Variants in ALK observed in about 807,000 individuals in gnomAD.
ALK encodes ALK tyrosine kinase receptor.
Under a neutral mutation model 163.1 loss-of-function variants are expected in ALK, and 74 were observed. The ratio of observed to expected loss-of-function variants is 0.45; its 90% confidence interval spans 0.38 to 0.55. The LOEUF is 0.55. Among genes scored for constraint, ALK ranks in the 20% least tolerant of loss-of-function variants. The pLI is 0.00. For synonymous variants in ALK, 960 were observed against 843.2 expected, an observed-to-expected ratio of 1.14 and a Z score of -2.40; for missense variants, 2,063 against 2,105.3, an observed-to-expected ratio of 0.98 and a Z score of 0.39.
rs762571775 is a variant in ALK, at chr2:29,222,558, C to G, written c.3409G>C (p.Gly1137Arg). 1 of 1,614,070 alleles carries G rather than the reference C, an allele frequency of 6.2e-7. No individual in the cohort carries two copies. The highest frequency in any genetic ancestry group is 8.5e-7 in the Non-Finnish European group (1 of 1,180,028). Residue 1137 changes from glycine to arginine, a missense_variant, in exon 21 of 29, where the codon GGA becomes CGA. Physicochemically the swap from Gly to Arg is moderately radical, Grantham distance 125. Coordinates refer to ENST00000389048, the MANE Select transcript of ALK (RefSeq NM_004304.5). ...AGGGGGCTTGGGTCGTTGGGCATTCCGGACACCTGGCCTTCATACACCTCC... is the reference window on the plus strand; with the variant it reads ...AGGGGGCTTGGGTCGTTGGGCATTCGGGACACCTGGCCTTCATACACCTCC... ...FGEVYEGQVS[G>R]MPNDPSPLQV...
At position 29,547,422 on chromosome 2, in the gene ALK, C is replaced by T. The variant is rs56289802; in HGVS notation, c.953-15306G>A. ...GATCAGCCTGGGCAACATGGTGAAA[C>T]CCCATCTCTACTAAAATACAAAAGA... On this transcript the variant is annotated intron_variant, in intron 3 of 28. Transcript: ENST00000389048. 4.5e-3 allele frequency among the ~76,000 whole-genome samples: 681 copies of T among 152,238 alleles called. 3 individuals carry two copies. The highest frequency in any genetic ancestry group is 0.031 in the Middle Eastern group (9 of 294).
At chr2:29,515,038 C>T (rs1324600273) in intron 4 of ALK, among the ~76,000 whole-genome samples, 1 of 152,176 alleles carries the variant, frequency 6.6e-6, no homozygotes, top group African/African-American at 2.4e-5. Flanking sequence ...CAGCCAGTCT[C>T]CTCTTTTCTT....
intron 3 of ALK, among the ~76,000 whole-genome samples, chr2:29,613,582 C>T (rs958947088): frequency 6.6e-6 from 1 of 152,282 alleles, no homozygotes; most frequent in Admixed American, 6.5e-5. Flanking sequence ...TTAGCCAGGG[C>T]GTATGTCACA....
Position 29,212,716 on chromosome 2 carries a change from T to TTTTC in ALK, c.3743+1264_3743+1267dup, listed in dbSNP as rs1669496793. On this transcript the variant is annotated intron_variant, in intron 24 of 28. Transcript: ENST00000389048. ...TTCTATTTCTTTGTTTTTTCTTTTT[T>TTTTC]TTTCTTTGAGATGCAGTTTTGCTCT... 2.7e-5 allele frequency among the ~76,000 whole-genome samples: 4 copies of TTTTC among 150,752 alleles called. No homozygotes were observed. In the South Asian group the frequency reaches 8.5e-4, roughly 32 times the overall value.
intron 1 of ALK, among the ~76,000 whole-genome samples, chr2:29,861,467 G>A (rs1666289539): frequency 6.6e-6 from 1 of 151,940 alleles, no homozygotes; most frequent in Admixed American, 6.6e-5. Context: ...TAATACCACA[G>A]AAATACAAAA....
chr2:29,584,106 A>G (rs540267261), intron 3 of ALK, among the ~76,000 whole-genome samples: 1 of 152,028 alleles, frequency 6.6e-6, no homozygotes, highest in East Asian at 1.9e-4. Flanking sequence ...AGCCCCCTGA[A>G]ATACCCAGGC....
intron 26 of ALK, among the ~76,000 whole-genome samples, chr2:29,204,837 C>T (rs1367313472): frequency 6.6e-6 from 1 of 152,230 alleles, no homozygotes; most frequent in African/African-American, 2.4e-5. Context: ...GATCCGCCCA[C>T]CTTGGCCTCC....
At chr2:29,367,231 C>T (rs973407386) in intron 5 of ALK, among the ~76,000 whole-genome samples, 3 of 152,032 alleles carry the variant, frequency 2.0e-5, no homozygotes, top group South Asian at 2.1e-4. Flanking sequence ...GGTAAGGATT[C>T]GGGACAAAGG....
intron 3 of ALK, among the ~76,000 whole-genome samples, chr2:29,631,105 G>A (rs187632986): frequency 6.6e-6 from 1 of 152,332 alleles, no homozygotes; most frequent in Non-Finnish European, 1.5e-5. Flanking sequence ...AATAACACAT[G>A]TTCATAGTTA....
rs1553389183 is a variant in ALK at position 29,200,818 on chromosome 2, C to CATATATACGTATATATATATGTGTATAT, written c.3939-3143_3939-3142insATATACACATATATATATACGTATATAT. On this transcript the variant is annotated intron_variant, in intron 26 of 28. Transcript: ENST00000389048. ...GTATACATATATATGTGTGTATATA[C>CATATATACGTATATATATATGTGTATAT]ATATATACGTATATATATGTGTGTG... 3.0e-3 allele frequency among the ~76,000 whole-genome samples: 120 copies of CATATATACGTATATATATATGTGTATAT among 40,290 alleles called. 1 individual carries two copies. Among genetic ancestry groups the CATATATACGTATATATATATGTGTATAT allele is most frequent in the East Asian group, 0.016 (6 of 378 alleles). 26.4% of individuals were successfully genotyped at this position (40,290 alleles called of 152,430 possible). A position where few individuals can be genotyped will look rare whatever the true frequency, so the allele number is the denominator to read the frequency against.
chr2:29,361,677 G>A (rs1227597953), intron 5 of ALK, among the ~76,000 whole-genome samples: 1 of 152,120 alleles, frequency 6.6e-6, no homozygotes, highest in African/African-American at 2.4e-5. Flanking sequence ...TGCAATTTGG[G>A]GTCACCATGT....
intron 4 of ALK, among the ~76,000 whole-genome samples, chr2:29,511,642 A>G (rs1418268317): frequency 6.6e-6 from 1 of 152,150 alleles, no homozygotes; most frequent in African/African-American, 2.4e-5. Flanking sequence ...CATCCTCTTG[A>G]GTAAATGTCC....
At chr2:29,277,335 G>T (rs1665573865) in intron 9 of ALK, among the ~76,000 whole-genome samples, 1 of 152,196 alleles carries the variant, frequency 6.6e-6, no homozygotes, top group Admixed American at 6.5e-5. Flanking sequence ...GAAGATGCTG[G>T]CTTGTTAGAT....
chr2:29,640,137 A>T (rs1476132641), intron 3 of ALK, among the ~76,000 whole-genome samples: 1 of 152,140 alleles, frequency 6.6e-6, no homozygotes, highest in African/African-American at 2.4e-5. Flanking sequence ...ATGATTCTCT[A>T]TTGCAATTTC....
At chr2:29,347,438 G>T (rs986927856) in intron 5 of ALK, among the ~76,000 whole-genome samples, 8 of 152,196 alleles carry the variant, frequency 5.3e-5, no homozygotes. Context: ...GTTTGGATGG[G>T]GTGGGGTGTG....
chr2:29,831,209 G>GGGGAAGGGGAAT (rs1353894595), intron 1 of ALK, among the ~76,000 whole-genome samples: 2 of 77,818 alleles, frequency 2.6e-5, no homozygotes, highest in African/African-American at 4.8e-5. Flanking sequence ...GGAAGGGGAA[G>GGGGAAGGGGAAT]AGGAAGAGGA....
intron 3 of ALK, among the ~76,000 whole-genome samples, chr2:29,539,255 C>T (rs1408793888): frequency 2.0e-5 from 3 of 152,166 alleles, no homozygotes; most frequent in Non-Finnish European, 2.9e-5. Flanking sequence ...ATGCATTCTA[C>T]TCCAAGCAGG....
chr2:29,873,513 G>T (rs553632897), intron 1 of ALK, among the ~76,000 whole-genome samples: 2 of 152,260 alleles, frequency 1.3e-5, no homozygotes, highest in East Asian at 3.9e-4. Context: ...GTGCTCAAGG[G>T]TTTGTTCCAA....
intron 4 of ALK, among the ~76,000 whole-genome samples, chr2:29,386,584 T>C (rs886168517): frequency 2.0e-5 from 3 of 152,180 alleles, no homozygotes; most frequent in African/African-American, 7.2e-5. Context: ...CTCTGAGAAA[T>C]GATGGATTTT....
Sources: allele counts gnomAD v4.1 joint callset (sites outside exome capture counted in the v4.1 genomes callset), GRCh38; gene constraint gnomAD v4.1.1; transcripts MANE v1.5; gene names NCBI Gene and HGNC (gene_info 2026-07-23, HGNC 2026-07-21).